C8orf34: variants seen among roughly 807,000 people sequenced by gnomAD.
C8orf34 encodes the protein chromosome 8 open reading frame 34, also known as uncharacterized protein C8orf34.
C8orf34 carries 65 observed loss-of-function variants against 68.3 expected under a neutral mutation model. The observed-to-expected ratio is 0.95, with a 90% CI of 0.78 to 1.17. C8orf34 has a LOEUF of 1.17. Ranked by LOEUF, C8orf34 falls within the 50% of genes most tolerant of loss-of-function variation. The probability of loss-of-function intolerance (pLI) is 0.00; values close to 1 mark genes in which losing one functional copy is unlikely to be tolerated. For missense variants in C8orf34, 664 were observed against 655.4 expected, an observed-to-expected ratio of 1.01 and a Z score of -0.14; for synonymous variants, 244 against 241.2, an observed-to-expected ratio of 1.01 and a Z score of -0.11.
At chr8:68,525,396 A>G in intron 6 of C8orf34, 1 of 345,196 alleles carries the variant, frequency 2.9e-6, no homozygotes. Context: ...TAAAACACAC[A>G]AAAATTATAC....
chr8:68,538,065 C>A lies in C8orf34; in HGVS notation c.1105+4916C>A, dbSNP rs903596421. On this transcript the variant is annotated intron_variant, in intron 7 of 13. Coordinates refer to ENST00000518698, the MANE Select transcript of C8orf34 (RefSeq NM_052958.4). ...AAATGCCTTTTATCTCAATTATACACCTATTGGAAAATTTCTTTATAAGAC... is the reference window on the plus strand; with the variant it reads ...AAATGCCTTTTATCTCAATTATACAACTATTGGAAAATTTCTTTATAAGAC... 7.2e-5 allele frequency among the ~76,000 whole-genome samples: 11 copies of A among 152,108 alleles called. No homozygotes were observed. In the East Asian group the frequency reaches 1.9e-3, roughly 27 times the overall value.
At chr8:68,381,846 T>G (rs945316825) in intron 1 of C8orf34, among the ~76,000 whole-genome samples, 2 of 151,628 alleles carry the variant, frequency 1.3e-5, no homozygotes, top group Non-Finnish European at 2.9e-5. Flanking sequence ...TAAATACCTA[T>G]AGATTAAAAA....
intron 1 of C8orf34, among the ~76,000 whole-genome samples, chr8:68,332,759 G>T (rs1384659831): frequency 1.3e-5 from 2 of 152,140 alleles, no homozygotes; most frequent in Admixed American, 1.3e-4. Flanking sequence ...TTCAATTGAA[G>T]CTCGCATTGT....
In C8orf34 at chr8:68,376,527, A is replaced by G. The variant is rs74721523; in HGVS notation, c.327+45188A>G. Reference sequence around the variant, plus strand: ...GCTGGACTGTAGTCGGACCCAGATAATCCGAAACCTGTAGAGTCATTATAC... The same window carrying G: ...GCTGGACTGTAGTCGGACCCAGATAGTCCGAAACCTGTAGAGTCATTATAC... On this transcript the variant is annotated intron_variant, in intron 1 of 13. Transcript: ENST00000518698. Among the ~76,000 whole-genome samples, 7 of 152,068 alleles carry G rather than the reference A, an allele frequency of 4.6e-5. No individual in the cohort carries two copies. The East Asian group carries it at 1.4e-3, about 29-fold the overall frequency.
chr8:68,517,245 C>T (rs1463000185), intron 5 of C8orf34, among the ~76,000 whole-genome samples: 1 of 152,130 alleles, frequency 6.6e-6, no homozygotes, highest in Non-Finnish European at 1.5e-5. Flanking sequence ...AGGATGTTTA[C>T]TTAGCTTAAT....
chr8:68,653,484 C>T (rs1819422467), intron 8 of C8orf34, among the ~76,000 whole-genome samples: 1 of 152,216 alleles, frequency 6.6e-6, no homozygotes, highest in East Asian at 1.9e-4. Context: ...AATCTGTTTG[C>T]CTGCTATAAA....
chr8:68,373,185 G>A (rs1807637153), intron 1 of C8orf34, among the ~76,000 whole-genome samples: 2 of 152,088 alleles, frequency 1.3e-5, no homozygotes, highest in South Asian at 4.1e-4. Context: ...AATAGAGACA[G>A]GGTTTCGCTA....
intron 7 of C8orf34, among the ~76,000 whole-genome samples, chr8:68,618,727 A>G (rs1388557890): frequency 2.0e-5 from 3 of 152,158 alleles, no homozygotes; most frequent in Non-Finnish European, 4.4e-5. Flanking sequence ...AAGAACTATA[A>G]AATCAGCAAA....
chr8:68,672,481 G>A (rs1371396160), intron 8 of C8orf34, among the ~76,000 whole-genome samples: 1 of 152,126 alleles, frequency 6.6e-6, no homozygotes, highest in Non-Finnish European at 1.5e-5. Context: ...AAGAGATTTT[G>A]GGACTTTGCA....
chr8:68,579,194 G>A (rs575315701), intron 7 of C8orf34, among the ~76,000 whole-genome samples: 1 of 151,932 alleles, frequency 6.6e-6, no homozygotes, highest in African/African-American at 2.4e-5. Context: ...CTTTTCCTCG[G>A]TTCATCTTGA....
At chr8:68,702,314 G>T (rs1821041771) in intron 8 of C8orf34, among the ~76,000 whole-genome samples, 1 of 152,050 alleles carries the variant, frequency 6.6e-6, no homozygotes, top group African/African-American at 2.4e-5. Flanking sequence ...ATCCAAAGAT[G>T]AATATTATGT....
intron 7 of C8orf34, among the ~76,000 whole-genome samples, chr8:68,625,193 A>G (rs1818503591): frequency 6.6e-6 from 1 of 152,160 alleles, no homozygotes; most frequent in East Asian, 1.9e-4. Flanking sequence ...TTGAGAAGGG[A>G]GCAAGTACAA....
intron 5 of C8orf34, among the ~76,000 whole-genome samples, chr8:68,492,031 C>A (rs539603273): frequency 6.6e-6 from 1 of 152,236 alleles, no homozygotes; most frequent in Non-Finnish European, 1.5e-5. Context: ...CTTCTCCTGG[C>A]TCCCTCATTC....
chr8:68,519,331 A>G (rs188105210), intron 5 of C8orf34, among the ~76,000 whole-genome samples: 56 of 152,358 alleles, frequency 3.7e-4, no homozygotes, highest in African/African-American at 1.3e-3. Flanking sequence ...TGAAAATTAA[A>G]ATACAAATTT....
chr8:68,353,865 G>T (rs1350953410), intron 1 of C8orf34, among the ~76,000 whole-genome samples: 1 of 151,762 alleles, frequency 6.6e-6, no homozygotes, highest in African/African-American at 2.4e-5. Flanking sequence ...CATACAGGAG[G>T]ATGTGCATAG....
At chr8:68,672,379 G>A (rs1472178031) in intron 8 of C8orf34, among the ~76,000 whole-genome samples, 4 of 152,226 alleles carry the variant, frequency 2.6e-5, no homozygotes, top group Non-Finnish European at 4.4e-5. Flanking sequence ...GAAGGAAAGA[G>A]TCTTCAATTG....
intron 7 of C8orf34, among the ~76,000 whole-genome samples, chr8:68,563,653 A>C (rs1025047709): frequency 6.6e-6 from 1 of 152,034 alleles, no homozygotes; most frequent in Non-Finnish European, 1.5e-5. Context: ...GAAAGAGTTA[A>C]GATTAAAAAA....
At chr8:68,598,515 T>A (rs1406838867) in intron 7 of C8orf34, among the ~76,000 whole-genome samples, 1 of 152,130 alleles carries the variant, frequency 6.6e-6, no homozygotes, top group Non-Finnish European at 1.5e-5. Flanking sequence ...GACAGAAATC[T>A]GGATCATGGC....
intron 7 of C8orf34, among the ~76,000 whole-genome samples, chr8:68,570,141 A>T (rs1049215009): frequency 6.6e-6 from 1 of 152,180 alleles, no homozygotes; most frequent in African/African-American, 2.4e-5. Context: ...AACCATTCCT[A>T]CAGGGCACAC....
Sources: allele counts gnomAD v4.1 joint callset (sites outside exome capture counted in the v4.1 genomes callset), GRCh38; gene constraint gnomAD v4.1.1; transcripts MANE v1.5; gene names NCBI Gene and HGNC (gene_info 2026-07-23, HGNC 2026-07-21).